The following DPY30 variants were observed in gnomAD, a reference collection of about 807,000 sequenced individuals.
The protein encoded by DPY30 is protein dpy-30 homolog.
A neutral mutation model predicts 16.2 loss-of-function variants in DPY30; 6 were observed. The ratio of observed to expected loss-of-function variants is 0.37; its 90% confidence interval spans 0.20 to 0.73. The LOEUF is 0.73. DPY30 is among the 30% of genes least tolerant of loss of function. The probability of loss-of-function intolerance (pLI) is 0.51; values close to 1 mark genes in which losing one functional copy is unlikely to be tolerated. For missense variants in DPY30, 73 were observed against 113.1 expected (o/e 0.65, Z 1.61); for synonymous variants, 39 against 38.8 (o/e 1.00, Z -0.02).
chr2:32,029,949 C>T (rs962923093), intron 3 of DPY30, among the ~76,000 whole-genome samples: 7 of 151,964 alleles, frequency 4.6e-5, no homozygotes, highest in African/African-American at 1.5e-4. Context: ...CCTATTATCT[C>T]ATTGTTCTAA....
intron 4 of DPY30, among the ~76,000 whole-genome samples, chr2:32,027,614 A>C: frequency 6.7e-6 from 1 of 149,822 alleles, no homozygotes; most frequent in Non-Finnish European, 1.5e-5. Flanking sequence ...CCTTCAAATC[A>C]ACCAAGATAC....
chr2:32,021,911 TTAA>T (rs1675191322), downstream of DPY30, among the ~76,000 whole-genome samples: 1 of 152,106 alleles, frequency 6.6e-6, no homozygotes, highest in South Asian at 2.1e-4. Context: ...TATTGATCCC[TTAA>T]TAAGATTACC....
At chr2:32,034,956 G>A (rs773133120) in intron 3 of DPY30, among the ~76,000 whole-genome samples, 55 of 151,652 alleles carry the variant, frequency 3.6e-4, no homozygotes, top group Non-Finnish European at 5.7e-4. Flanking sequence ...CCAAGATCGC[G>A]CCACTTCCAG....
chr2:32,037,769 G>A (rs569655127), intron 3 of DPY30, among the ~76,000 whole-genome samples: 2 of 151,850 alleles, frequency 1.3e-5, no homozygotes, highest in South Asian at 4.2e-4. Flanking sequence ...TGTTGGCCAG[G>A]CTTGAATTCC....
chr2:32,017,516 C>G (rs542546721), intron 5 of DPY30, among the ~76,000 whole-genome samples: 157 of 151,410 alleles, frequency 1.0e-3, no homozygotes, highest in African/African-American at 3.7e-3. Flanking sequence ...ACTTGGGAGG[C>G]TGAGGCAGAA....
Position 32,029,905 on chromosome 2 carries a change from T to C in DPY30, c.85-169A>G, listed in dbSNP as rs897365631. Among the ~76,000 whole-genome samples the C allele has an allele frequency of 2.6e-5, 4 of 152,248 alleles. No individual in the cohort carries two copies. The East Asian group carries it at 7.7e-4, about 29-fold the overall frequency. On this transcript the variant is annotated intron_variant, in intron 3 of 4. Coordinates refer to ENST00000342166, the MANE Select transcript of DPY30 (RefSeq NM_001321209.2). The stretch of plus-strand genomic sequence containing the variant: ...CCCAAAATAAATTCAGACCCATCTT[T>C]CAATCTCATTCAAGCTCTCTCTCTC...
intron 5 of DPY30, among the ~76,000 whole-genome samples, chr2:32,015,253 A>G (rs1675042527): frequency 6.6e-6 from 1 of 152,190 alleles, no homozygotes; most frequent in Admixed American, 6.5e-5. Flanking sequence ...GTAACACAGC[A>G]TTTTGAACAA....
chr2:32,021,572 G>T (rs1327748799), downstream of DPY30, among the ~76,000 whole-genome samples: 1 of 151,584 alleles, frequency 6.6e-6, no homozygotes, highest in Non-Finnish European at 1.5e-5. Context: ...CAGCTACTGG[G>T]GGGTGCTGAG....
downstream of DPY30, among the ~76,000 whole-genome samples, chr2:32,022,197 G>A (rs1036095027): frequency 2.8e-5 from 4 of 144,576 alleles, no homozygotes; most frequent in South Asian, 2.2e-4. Context: ...GTGACAGAGC[G>A]AGACCTTGTC....
At chr2:32,038,314 C>G (rs1228266950) in intron 3 of DPY30, among the ~76,000 whole-genome samples, 1 of 147,014 alleles carries the variant, frequency 6.8e-6, no homozygotes, top group African/African-American at 2.5e-5. Flanking sequence ...GTTGGCCAGG[C>G]TGGTCTGGAA....
chr2:32,015,730 C>T (rs543881867), intron 5 of DPY30, among the ~76,000 whole-genome samples: 44 of 151,860 alleles, frequency 2.9e-4, no homozygotes, highest in Non-Finnish European at 4.6e-4. Flanking sequence ...GTACCGCGCC[C>T]TGTAGTACCA....
intron 3 of DPY30, among the ~76,000 whole-genome samples, chr2:32,038,581 A>C (rs1463216831): frequency 6.6e-6 from 1 of 152,000 alleles, no homozygotes; most frequent in Non-Finnish European, 1.5e-5. Flanking sequence ...ATATTTATTA[A>C]ATGTTGACTC....
intron 1 of DPY30, 101 bp from the exon 2 acceptor site, chr2:32,039,593 C>T: frequency 8.4e-7 from 1 of 1,184,050 alleles, no homozygotes; most frequent in East Asian, 2.5e-5. Flanking sequence ...TCACCCCCAC[C>T]TGGGCGCGGG....
In DPY30 at chr2:32,032,393, T is replaced by C. The variant is rs76212049; in HGVS notation, c.85-2657A>G. On this transcript the variant is annotated intron_variant, in intron 3 of 4. Transcript: ENST00000342166. Reference sequence around the variant, plus strand: ...CAGAAAACACTATACAACTTCATTATTTCTGAAAACTGACAGTATCATCTT... The same window carrying C: ...CAGAAAACACTATACAACTTCATTACTTCTGAAAACTGACAGTATCATCTT... 2.4e-3 allele frequency among the ~76,000 whole-genome samples: 369 copies of C among 152,348 alleles called. 12 individuals are homozygous for C. The East Asian group carries it at 0.056, about 23-fold the overall frequency.
chr2:32,031,212 G>A (rs1305025439), intron 3 of DPY30, among the ~76,000 whole-genome samples: 2 of 151,968 alleles, frequency 1.3e-5, no homozygotes, highest in African/African-American at 4.8e-5. Flanking sequence ...CATGAGGTCA[G>A]GAGTTCAAGA....
At chr2:32,023,790 TTC>T (rs1362321609), downstream of DPY30, 4 of 1,306,746 alleles carry the variant, frequency 3.1e-6, no homozygotes, top group African/African-American at 3.0e-5. Context: ...CTGCTGTATT[TTC>T]TCTCTGTTGT....
intron 3 of DPY30, among the ~76,000 whole-genome samples, chr2:32,039,050 ATG>A (rs918169946): frequency 4.6e-5 from 7 of 152,346 alleles, no homozygotes; most frequent in African/African-American, 1.7e-4. Context: ...CCTCAAGAAT[ATG>A]TGTTTCGCAA....
At chr2:32,024,336 A>T in intron 4 of DPY30, 80 bp from the exon 5 acceptor site, 3 of 1,039,530 alleles carry the variant, frequency 2.9e-6, no homozygotes, top group Non-Finnish European at 4.2e-6. Context: ...CATAATGAAA[A>T]CTCATCTTTT....
chr2:32,036,393 T>C (rs1168179075), intron 3 of DPY30, among the ~76,000 whole-genome samples: 4 of 152,058 alleles, frequency 2.6e-5, no homozygotes, highest in African/African-American at 9.7e-5. Flanking sequence ...AAAAACTGGC[T>C]GGGCGCGGTG....
Sources: gnomAD v4.1 joint callset for allele counts (sites outside exome capture counted in the v4.1 genomes callset) on GRCh38, gnomAD v4.1.1 for gene constraint, MANE v1.5 for transcripts, NCBI Gene and HGNC (gene_info 2026-07-23, HGNC 2026-07-21) for gene names.